Variants in CSGALNACT1 observed in about 807,000 individuals in gnomAD.
The protein encoded by CSGALNACT1 is chondroitin sulfate N-acetylgalactosaminyltransferase 1.
CSGALNACT1 carries 52 observed loss-of-function variants against 51.0 expected under a neutral mutation model. That is an observed-to-expected ratio of 1.02 (90% CI 0.82 to 1.29). The LOEUF (loss-of-function observed/expected upper bound fraction) is 1.29. CSGALNACT1 is among the 50% of genes most tolerant of loss of function. The pLI is 0.00. For missense variants in CSGALNACT1, 935 were observed against 679.2 expected (o/e 1.38, Z -4.19); for synonymous variants, 341 against 254.4 (o/e 1.34, Z -3.24).
intron 1 of CSGALNACT1, among the ~76,000 whole-genome samples, chr8:19,613,406 C>T (rs1207862630): frequency 3.9e-5 from 6 of 152,340 alleles, no homozygotes; most frequent in East Asian, 3.9e-4. Flanking sequence ...CCTTTATCAT[C>T]GCACAGACCG....
At chr8:19,505,723 C>T (rs957941507) in exon 4 of CSGALNACT1, 22 of 1,614,092 alleles carry the variant, frequency 1.4e-5, no homozygotes, top group Non-Finnish European at 1.9e-5. Flanking sequence ...TCCTCGTCAC[C>T]TTTTGGGGTG....
chr8:19,461,055 G>C (rs2065249409), intron 4 of CSGALNACT1, among the ~76,000 whole-genome samples: 1 of 152,186 alleles, frequency 6.6e-6, no homozygotes. Flanking sequence ...CAAGGACTAA[G>C]TTCCCTTTGG....
chr8:19,583,080 G>A (rs1173707579), intron 3 of CSGALNACT1, among the ~76,000 whole-genome samples: 2 of 151,974 alleles, frequency 1.3e-5, no homozygotes, highest in African/African-American at 2.4e-5. Context: ...TTAAACACAT[G>A]CAATTTTTAT....
At chr8:19,444,433 A>G (rs1371039107) in intron 5 of CSGALNACT1, among the ~76,000 whole-genome samples, 1 of 152,204 alleles carries the variant, frequency 6.6e-6, no homozygotes, top group Non-Finnish European at 1.5e-5. Flanking sequence ...CAGTGGGCCA[A>G]CTGCATACGT....
intron 1 of CSGALNACT1, among the ~76,000 whole-genome samples, chr8:19,752,209 A>G (rs2065083987): frequency 6.7e-6 from 1 of 148,698 alleles, no homozygotes; most frequent in Non-Finnish European, 1.5e-5. Context: ...TATATCTTAT[A>G]TGATATATAA....
chr8:19,439,338 C>T (rs1432275343), intron 6 of CSGALNACT1, among the ~76,000 whole-genome samples: 1 of 152,156 alleles, frequency 6.6e-6, no homozygotes, highest in Non-Finnish European at 1.5e-5. Flanking sequence ...GTCTGGTTTC[C>T]CCTGAATGTC....
intron 6 of CSGALNACT1, among the ~76,000 whole-genome samples, chr8:19,432,864 C>T (rs1484194663): frequency 6.6e-6 from 1 of 151,910 alleles, no homozygotes; most frequent in Non-Finnish European, 1.5e-5. Context: ...TGTGTTTTTA[C>T]TTTTGTGAAT....
chr8:19,416,788 G>T (rs1385890039), intron 8 of CSGALNACT1, among the ~76,000 whole-genome samples: 1 of 152,110 alleles, frequency 6.6e-6, no homozygotes, highest in Non-Finnish European at 1.5e-5. Context: ...TATGATGTTT[G>T]CACAATGATG....
chr8:19,692,164 C>A (rs1367626731), intron 1 of CSGALNACT1, among the ~76,000 whole-genome samples: 1 of 152,168 alleles, frequency 6.6e-6, no homozygotes, highest in Admixed American at 6.5e-5. Flanking sequence ...CCAATCACCT[C>A]CCACCTGGTC....
chr8:19,546,151 G>A (rs541457419), intron 3 of CSGALNACT1, among the ~76,000 whole-genome samples: 1 of 152,194 alleles, frequency 6.6e-6, no homozygotes, highest in African/African-American at 2.4e-5. Context: ...ATAGATATAT[G>A]CAGATAAATT....
upstream of CSGALNACT1, among the ~76,000 whole-genome samples, chr8:19,686,956 G>C (rs2061012217): frequency 6.6e-6 from 1 of 152,170 alleles, no homozygotes; most frequent in Non-Finnish European, 1.5e-5. Context: ...CCTTGGCACA[G>C]AGCTTTCCAT....
chr8:19,671,920 A>C (rs2059823175), intron 1 of CSGALNACT1, among the ~76,000 whole-genome samples: 1 of 152,210 alleles, frequency 6.6e-6, no homozygotes. Flanking sequence ...ATTCCATCTC[A>C]TGAATGTACC....
At chr8:19,663,042 AC>A (rs1489465254) in intron 1 of CSGALNACT1, among the ~76,000 whole-genome samples, 1 of 152,206 alleles carries the variant, frequency 6.6e-6, no homozygotes, top group Admixed American at 6.5e-5. Flanking sequence ...GTTGCAAAGA[AC>A]AATGCAGGAT....
intron 3 of CSGALNACT1, among the ~76,000 whole-genome samples, chr8:19,529,760 T>G (rs2082377179): frequency 6.6e-6 from 1 of 152,184 alleles, no homozygotes. Flanking sequence ...CACAGCTCCC[T>G]TATGCAAAAT....
intron 6 of CSGALNACT1, among the ~76,000 whole-genome samples, chr8:19,422,425 C>T (rs550036589): frequency 1.1e-4 from 16 of 152,284 alleles, no homozygotes; most frequent in Non-Finnish European, 2.2e-4. Flanking sequence ...TCATGCGGTA[C>T]TACTGCCTCG....
chr8:19,720,973 G>A (rs144387577), intron 1 of CSGALNACT1, among the ~76,000 whole-genome samples: 761 of 152,284 alleles, frequency 5.0e-3, no homozygotes, highest in Non-Finnish European at 8.7e-3. Context: ...TGCACAGCCA[G>A]GACAGAGAAG....
At position 19,654,935 on chromosome 8, in the gene CSGALNACT1, C is replaced by T. The variant is rs369761925; in HGVS notation, c.-544+27538G>A. Among the ~76,000 whole-genome samples, 30 of 151,988 alleles carry T rather than the reference C, an allele frequency of 2.0e-4. 1 individual carries two copies. The Middle Eastern group carries it at 0.014, about 69-fold the overall frequency. ...TCAAGATTTCAAAGAAAGTATTCCC[C>T]TAGTTCTACTAAAAAAAAAAATTCT... On this transcript the variant is annotated intron_variant, in intron 1 of 9. Coordinates refer to the CSGALNACT1 transcript ENST00000332246.
chr8:19,658,649 A>G (rs1472594921), intron 1 of CSGALNACT1, among the ~76,000 whole-genome samples: 2 of 152,042 alleles, frequency 1.3e-5, no homozygotes, highest in African/African-American at 4.8e-5. Context: ...CACGAGAATC[A>G]CTTGAACCTG....
At chr8:19,510,983 T>C (rs767784681) in intron 3 of CSGALNACT1, among the ~76,000 whole-genome samples, 1 of 152,214 alleles carries the variant, frequency 6.6e-6, no homozygotes, top group Non-Finnish European at 1.5e-5. Context: ...AGTGAACGTT[T>C]TGGTCACGAG....
Sources: allele counts gnomAD v4.1 joint callset (sites outside exome capture counted in the v4.1 genomes callset), GRCh38; gene constraint gnomAD v4.1.1; transcripts MANE v1.5; gene names NCBI Gene and HGNC (gene_info 2026-07-23, HGNC 2026-07-21).